Variants in THOC2 observed in about 807,000 individuals in gnomAD.
THOC2 encodes THO complex subunit 2.
A neutral mutation model predicts 128.4 loss-of-function variants in THOC2; 10 were observed. The observed-to-expected ratio is 0.08, with a 90% CI of 0.05 to 0.13. THOC2 has a LOEUF of 0.13. THOC2 is among the 10% of genes least tolerant of loss of function. THOC2 has a pLI of 1.00. For synonymous variants in THOC2, 393 were observed against 396.9 expected, an observed-to-expected ratio of 0.99 and a Z score of 0.12; for missense variants, 535 against 1,155.7, an observed-to-expected ratio of 0.46 and a Z score of 7.79.
intron 1 of THOC2, among the ~76,000 whole-genome samples, chrX:123,728,664 C>A (rs944352333): frequency 3.6e-5 from 4 of 110,488 alleles, no homozygotes; most frequent in Admixed American, 9.7e-5. Flanking sequence ...TCTGAACAAC[C>A]AAATATACTT....
At chrX:123,654,263 G>C (rs913115856) in intron 12 of THOC2, among the ~76,000 whole-genome samples, 15 of 109,819 alleles carry the variant, frequency 1.4e-4, no homozygotes, top group African/African-American at 5.0e-4. Flanking sequence ...AGCAGGGTAG[G>C]GGGTTAGGGG....
chrX:123,616,711 T>C (rs2046908449), intron 33 of THOC2, among the ~76,000 whole-genome samples: 1 of 108,816 alleles, frequency 9.2e-6, no homozygotes, highest in Non-Finnish European at 1.9e-5. Flanking sequence ...CAAAAGTAGC[T>C]GCTAGAATTG....
At chrX:123,676,052 A>T (rs1226887485) in intron 8 of THOC2, among the ~76,000 whole-genome samples, 1 of 112,379 alleles carries the variant, frequency 8.9e-6, no homozygotes, top group East Asian at 2.8e-4. Flanking sequence ...CCCAGCTCTG[A>T]GCATAAGCAT....
At chrX:123,636,244 C>A (rs946354851) in intron 18 of THOC2, 69 bp from the exon 19 acceptor site, 3 of 829,484 alleles carry the variant, frequency 3.6e-6, no homozygotes, top group Non-Finnish European at 5.2e-6. Context: ...TTCAACTAAA[C>A]CTCTAAAACA....
intron 33 of THOC2, among the ~76,000 whole-genome samples, chrX:123,617,150 G>A (rs1185652963): frequency 2.7e-5 from 3 of 110,494 alleles, no homozygotes; most frequent in African/African-American, 9.8e-5. Context: ...ACATAAAAAT[G>A]CAACATCAGC....
chrX:123,630,486 A>AGG (rs1267203545), intron 22 of THOC2, among the ~76,000 whole-genome samples: 87 of 108,133 alleles, frequency 8.0e-4, no homozygotes, highest in Middle Eastern at 4.7e-3. Flanking sequence ...GGTGGCGGGC[A>AGG]CCTGTAATCC....
At chrX:123,617,686 G>A (rs1226492343) in intron 33 of THOC2, among the ~76,000 whole-genome samples, 1 of 111,464 alleles carries the variant, frequency 9.0e-6, no homozygotes, top group Non-Finnish European at 1.9e-5. Context: ...TATTCAAAAG[G>A]CCTTTTCACA....
chrX:123,656,262 C>T (rs1334276460), intron 12 of THOC2, among the ~76,000 whole-genome samples: 1 of 99,123 alleles, frequency 1.0e-5, no homozygotes, highest in African/African-American at 3.8e-5. Flanking sequence ...ACCCGGGAGG[C>T]AGAGGCTGCA....
intron 8 of THOC2, among the ~76,000 whole-genome samples, chrX:123,684,773 C>T (rs1907988602): frequency 8.9e-6 from 1 of 112,379 alleles, no homozygotes; most frequent in East Asian, 2.8e-4. Context: ...AAGCTATATG[C>T]TTTTAAACTG....
intron 22 of THOC2, 142 bp from the exon 23 acceptor site, chrX:123,628,110 T>C (rs934037181): frequency 7.1e-5 from 36 of 509,983 alleles, no homozygotes; most frequent in Middle Eastern, 5.8e-4. Context: ...AAATTCTAGT[T>C]TCTTATGAAC....
chrX:123,632,679 G>A (rs988656659), intron 21 of THOC2, among the ~76,000 whole-genome samples, 182 bp downstream of exon 21: 4 of 110,276 alleles, frequency 3.6e-5, no homozygotes, highest in South Asian at 3.9e-4. Context: ...ACATCTCTTG[G>A]AGCTATCTCT....
intron 8 of THOC2, among the ~76,000 whole-genome samples, chrX:123,677,987 T>C (rs1309952217): frequency 9.0e-6 from 1 of 111,143 alleles, no homozygotes; most frequent in Non-Finnish European, 1.9e-5. Context: ...AGTATCACTG[T>C]CTTCCATCTC....
intron 3 of THOC2, among the ~76,000 whole-genome samples, chrX:123,706,343 C>T (rs1053133387): frequency 9.0e-6 from 1 of 110,518 alleles, no homozygotes; most frequent in Non-Finnish European, 1.9e-5. Context: ...TTTAGAGTGG[C>T]ATTTTTTATT....
At chrX:123,652,268 G>A (rs1014202937) in intron 12 of THOC2, among the ~76,000 whole-genome samples, 8 of 111,492 alleles carry the variant, frequency 7.2e-5, no homozygotes, top group African/African-American at 1.3e-4. Context: ...ACTAGGTATC[G>A]ATGGAACATA....
At chrX:123,638,667 A>AC (rs1569354954) in intron 17 of THOC2, among the ~76,000 whole-genome samples, 3 of 103,185 alleles carry the variant, frequency 2.9e-5, no homozygotes, top group Non-Finnish European at 4.0e-5. Flanking sequence ...TCACACACAC[A>AC]AAAAAAAAAA....
intron 8 of THOC2, among the ~76,000 whole-genome samples, chrX:123,675,115 G>A (rs2049433373): frequency 8.9e-6 from 1 of 112,195 alleles, no homozygotes; most frequent in African/African-American, 3.2e-5. Context: ...TTTACCTAGA[G>A]TTACTTTAAC....
intron 12 of THOC2, among the ~76,000 whole-genome samples, chrX:123,649,973 C>T (rs774435471): frequency 6.3e-5 from 7 of 110,848 alleles, no homozygotes; most frequent in Non-Finnish European, 1.3e-4. Flanking sequence ...AAAGATACTC[C>T]TCGAGAAGAG....
rs1346831562 is a variant in THOC2 at position 123,623,617 on chromosome X, T to A, written c.3503+170A>T. ...ACTATCATCCAGTATAGACCGGAAG[T>A]TGATAATCAGAAGTGGTAACTCTCA... On this transcript the variant is annotated intron_variant, in intron 28 of 38. Coordinates refer to ENST00000245838, the MANE Select transcript of THOC2 (RefSeq NM_001081550.2). The A allele has an allele frequency of 3.7e-6, 4 of 1,088,163 alleles. No individual in the cohort carries two copies. The African/African-American group carries it at 7.4e-5, about 20-fold the overall frequency. The allele number at this position is 1,088,163 out of a possible 1,213,427, so 89.7% of individuals were successfully genotyped here.
intron 36 of THOC2, 105 bp downstream of exon 36, chrX:123,613,294 T>A (rs1290411676): frequency 1.2e-6 from 1 of 834,335 alleles, no homozygotes; most frequent in African/African-American, 2.1e-5. Context: ...TCCTAAATAA[T>A]GAACAAAAGA....
Sources: allele counts gnomAD v4.1 joint callset (sites outside exome capture counted in the v4.1 genomes callset), GRCh38; gene constraint gnomAD v4.1.1; transcripts MANE v1.5; gene names NCBI Gene and HGNC (gene_info 2026-07-23, HGNC 2026-07-21).